Variants in POLR2F observed in about 807,000 individuals in gnomAD.
POLR2F encodes RNA polymerase II, I and III subunit F.
In POLR2F, 12 loss-of-function variants were observed where a neutral mutation model predicts 22.7. The observed-to-expected ratio is 0.53, with a 90% CI of 0.34 to 0.86. The LOEUF is 0.86. POLR2F is among the 40% of genes least tolerant of loss of function. The pLI is 0.02. For synonymous variants in POLR2F, 57 were observed against 66.0 expected, an observed-to-expected ratio of 0.86 and a Z score of 0.66; for missense variants, 126 against 171.5, an observed-to-expected ratio of 0.73 and a Z score of 1.48.
chr22:38,025,241 TCA>T (rs139306969), intron 1 of POLR2F, among the ~76,000 whole-genome samples: 3 of 151,542 alleles, frequency 2.0e-5, no homozygotes, highest in East Asian at 1.9e-4. Context: ...ACTCACTTGC[TCA>T]CACACACACA....
rs1369963450 is a variant in POLR2F at position 37,986,251 on chromosome 22, G to A, written c.61G>A (p.Val21Ile). ...GCCGTCGTGTCCCGGCTGCCCTGCA[G>A]TCGCCTCCAACACCCGCTGCTGCCC... is the stretch of plus-strand genomic sequence containing the variant. The change falls in exon 1 of 3, where the codon GTC becomes ATC. Residue 21 changes from valine (V) to isoleucine (I), a missense_variant. By Grantham distance (29) the Val-to-Ile change is conservative. Coordinates refer to the POLR2F transcript ENST00000333418. The surrounding 1 kb of genome is among the most constrained non-coding windows in gnomAD (Gnocchi z 4.7). The A allele has an allele frequency of 6.5e-7, 1 of 1,540,238 alleles. No homozygotes were observed. The highest frequency in any genetic ancestry group is 2.0e-5 in the Admixed American group (1 of 50,998).
chr22:38,010,152 A>G (rs547960402), intron 1 of POLR2F, among the ~76,000 whole-genome samples: 25 of 152,286 alleles, frequency 1.6e-4, no homozygotes, highest in African/African-American at 5.5e-4. Context: ...AGGTGAGAGG[A>G]TTACTTGGAT....
At chr22:38,011,160 G>A (rs1486243869) in intron 1 of POLR2F, among the ~76,000 whole-genome samples, 1 of 152,126 alleles carries the variant, frequency 6.6e-6, no homozygotes, top group African/African-American at 2.4e-5. Flanking sequence ...GGAGTGCAGT[G>A]GAATGATCAC....
At chr22:37,971,431 C>T, downstream of POLR2F, 1 of 396,842 alleles carries the variant, frequency 2.5e-6, no homozygotes, top group Admixed American at 2.9e-5. Flanking sequence ...AACTTCCAAC[C>T]ATCGGAGTTG....
intron 3 of POLR2F, among the ~76,000 whole-genome samples, chr22:37,963,047 T>G (rs983306058): frequency 2.6e-5 from 4 of 151,200 alleles, no homozygotes; most frequent in Non-Finnish European, 5.9e-5. Flanking sequence ...AGTGCAGTGG[T>G]GTGATCTTGG....
At chr22:37,975,219 G>A (rs1230779972) in intron 4 of POLR2F, among the ~76,000 whole-genome samples, 1 of 152,192 alleles carries the variant, frequency 6.6e-6, no homozygotes, top group Non-Finnish European at 1.5e-5. Flanking sequence ...AAATAAAATG[G>A]ATCCCTGTTC....
chr22:38,030,582 G>A (rs915654216), downstream of POLR2F, among the ~76,000 whole-genome samples: 3 of 152,282 alleles, frequency 2.0e-5, no homozygotes, highest in Admixed American at 6.5e-5. Context: ...CCTGCAAACC[G>A]GAGCCCGAGG....
chr22:37,995,956 G>A (rs908819695), intron 1 of POLR2F, among the ~76,000 whole-genome samples: 4 of 152,110 alleles, frequency 2.6e-5, no homozygotes, highest in African/African-American at 9.7e-5. Context: ...AGTCATGATC[G>A]TGGCACTGCA....
chr22:37,969,617 C>T (rs983623305), downstream of POLR2F, among the ~76,000 whole-genome samples: 3 of 152,110 alleles, frequency 2.0e-5, no homozygotes, highest in South Asian at 2.1e-4. Context: ...CATCCCACGG[C>T]GAGCAGGAGT....
intron 1 of POLR2F, among the ~76,000 whole-genome samples, chr22:38,007,016 T>C (rs1177398451): frequency 6.6e-6 from 1 of 152,210 alleles, no homozygotes; most frequent in East Asian, 1.9e-4. Flanking sequence ...TGAAATTTAC[T>C]GGTATGGGTA....
At chr22:37,987,249 A>G in intron 1 of POLR2F, 1 of 456,706 alleles carries the variant, frequency 2.2e-6, no homozygotes, top group Non-Finnish European at 4.4e-6. Context: ...TTCCGGAGCA[A>G]CAGGGTTTTC....
At chr22:38,028,130 C>A (rs1460469170), downstream of POLR2F, among the ~76,000 whole-genome samples, 2 of 152,148 alleles carry the variant, frequency 1.3e-5, no homozygotes. Flanking sequence ...CTTTTGACAT[C>A]CCGCAGCTTG....
At chr22:37,992,484 T>C (rs1177220222) in intron 1 of POLR2F, among the ~76,000 whole-genome samples, 1 of 151,930 alleles carries the variant, frequency 6.6e-6, no homozygotes, top group Non-Finnish European at 1.5e-5. Flanking sequence ...AACATTTGGC[T>C]CCCAGGTTCA....
chr22:38,039,610 C>T (rs1426394386), intron 5 of POLR2F, among the ~76,000 whole-genome samples: 1 of 152,164 alleles, frequency 6.6e-6, no homozygotes, highest in Non-Finnish European at 1.5e-5. Context: ...GCAGGTTGTA[C>T]GCAGCTGCTC....
At chr22:37,963,518 CT>C (rs772626845) in intron 3 of POLR2F, among the ~76,000 whole-genome samples, 1 of 152,026 alleles carries the variant, frequency 6.6e-6, no homozygotes, top group Non-Finnish European at 1.5e-5. Context: ...AGTGATCCCC[CT>C]GCTTCAGCCT....
chr22:37,995,649 G>T (rs967130299), intron 1 of POLR2F, among the ~76,000 whole-genome samples: 2 of 152,118 alleles, frequency 1.3e-5, no homozygotes, highest in Admixed American at 6.6e-5. Flanking sequence ...CTGAATGAAT[G>T]AATGAGTGGT....
intron 1 of POLR2F, among the ~76,000 whole-genome samples, chr22:38,010,888 A>C (rs1002244603): frequency 6.6e-6 from 1 of 152,142 alleles, no homozygotes; most frequent in African/African-American, 2.4e-5. Flanking sequence ...AAGTGCTGGG[A>C]TAACAGGCGT....
At chr22:37,999,399 G>A (rs375725855) in intron 1 of POLR2F, among the ~76,000 whole-genome samples, 1 of 152,170 alleles carries the variant, frequency 6.6e-6, no homozygotes, top group East Asian at 1.9e-4. Context: ...TCAGGCCCCT[G>A]TGGCAGCCTC....
At chr22:38,010,702 C>T (rs951263829) in intron 1 of POLR2F, among the ~76,000 whole-genome samples, 21 of 149,284 alleles carry the variant, frequency 1.4e-4, no homozygotes, top group East Asian at 7.9e-4. Context: ...CTGCAACCTC[C>T]GCCTCCCAGG....
Sources: gnomAD v4.1 joint callset for allele counts (sites outside exome capture counted in the v4.1 genomes callset) on GRCh38, gnomAD v4.1.1 for gene constraint, Gnocchi (gnomAD v3.1) non-coding constraint, MANE v1.5 for transcripts, NCBI Gene and HGNC (gene_info 2026-07-23, HGNC 2026-07-21) for gene names.